The following SRGAP1 variants were observed in gnomAD, a reference collection of about 807,000 sequenced individuals.
SRGAP1 encodes SLIT-ROBO Rho GTPase activating protein 1, also known as SLIT-ROBO Rho GTPase-activating protein 1.
In SRGAP1, 43 loss-of-function variants were observed where a neutral mutation model predicts 121.9. The ratio of observed to expected loss-of-function variants is 0.35; its 90% CI spans 0.28 to 0.46. The LOEUF is 0.46. Ranked by LOEUF, SRGAP1 falls within the 20% of genes least tolerant of loss-of-function variation. SRGAP1 has a pLI of 1.00. For missense variants in SRGAP1, 1,102 were observed against 1,350.9 expected (o/e 0.82, Z 2.89); for synonymous variants, 447 against 485.4 (o/e 0.92, Z 1.04).
chr12:63,949,398 T>A (rs1481962134), intron 1 of SRGAP1, among the ~76,000 whole-genome samples: 3 of 12,820 alleles, frequency 2.3e-4, no homozygotes, highest in Non-Finnish European at 5.4e-4. Context: ...TTTTATTATT[T>A]ATTATTATTA....
intron 1 of SRGAP1, among the ~76,000 whole-genome samples, chr12:63,875,847 A>C (rs1026940641): frequency 6.6e-6 from 1 of 152,234 alleles, no homozygotes; most frequent in Non-Finnish European, 1.5e-5. Context: ...CGGGCTGATC[A>C]CTAAGAAATA....
At chr12:63,939,254 A>G (rs1409130597) in intron 1 of SRGAP1, among the ~76,000 whole-genome samples, 3 of 151,986 alleles carry the variant, frequency 2.0e-5, no homozygotes, top group Non-Finnish European at 2.9e-5. Flanking sequence ...AAGAGCACCA[A>G]TCCCAAGACA....
Position 64,015,307 on chromosome 12 carries a change from T to C in SRGAP1, c.427-1643T>C, listed in dbSNP as rs370764803. Among the ~76,000 whole-genome samples, 7 of 152,274 alleles carry C rather than the reference T, an allele frequency of 4.6e-5. No homozygotes were observed. In the East Asian group the frequency reaches 1.4e-3, roughly 29 times the overall value. On this transcript the variant is annotated intron_variant, in intron 3 of 21. Transcript: ENST00000355086. ...ATATACCCTCTCAATAATCAAGACA[T>C]AGGAAAAATAAAATGAGTTTCAGTT...
At chr12:63,881,356 A>G (rs976078719) in intron 1 of SRGAP1, among the ~76,000 whole-genome samples, 7 of 152,242 alleles carry the variant, frequency 4.6e-5, no homozygotes, top group African/African-American at 1.4e-4. Flanking sequence ...AATAACAGTC[A>G]TTTGCAAGGA....
intron 1 of SRGAP1, among the ~76,000 whole-genome samples, chr12:63,969,576 G>A (rs555506393): frequency 1.3e-5 from 2 of 152,124 alleles, no homozygotes; most frequent in African/African-American, 4.8e-5. Context: ...GGCGGATCAC[G>A]AGGTCAGGAG....
At chr12:64,071,031 G>A (rs980144193) in intron 8 of SRGAP1, among the ~76,000 whole-genome samples, 1 of 152,060 alleles carries the variant, frequency 6.6e-6, no homozygotes, top group Non-Finnish European at 1.5e-5. Context: ...AAGTATCTTT[G>A]ACTTGCCTGC....
chr12:63,923,514 A>C (rs2031145063), intron 1 of SRGAP1, among the ~76,000 whole-genome samples: 1 of 152,226 alleles, frequency 6.6e-6, no homozygotes, highest in Admixed American at 6.5e-5. Flanking sequence ...GATTATAGCT[A>C]CATCAGTACA....
intron 1 of SRGAP1, among the ~76,000 whole-genome samples, chr12:63,855,473 GTTTTTTTTTTTTTTTTTTTT>G (rs781701925): frequency 3.8e-5 from 2 of 52,898 alleles, no homozygotes; most frequent in South Asian, 1.1e-3. Context: ...GAAAAATGGT[GTTTTTTTTTTTTTTTTTTTT>G]TTTTTTTTTT....
At chr12:64,134,378 G>A (rs965279417) in intron 21 of SRGAP1, among the ~76,000 whole-genome samples, 6 of 149,574 alleles carry the variant, frequency 4.0e-5, no homozygotes, top group Middle Eastern at 3.6e-3. Flanking sequence ...CCAAGATTGC[G>A]CCACTGCACT....
At chr12:63,969,504 G>A (rs2032879601) in intron 1 of SRGAP1, among the ~76,000 whole-genome samples, 1 of 152,100 alleles carries the variant, frequency 6.6e-6, no homozygotes, top group South Asian at 2.1e-4. Flanking sequence ...TTAAAAATCT[G>A]AAACATCGGC....
chr12:63,894,645 C>T (rs998957703), intron 1 of SRGAP1, among the ~76,000 whole-genome samples: 8 of 152,096 alleles, frequency 5.3e-5, no homozygotes, highest in African/African-American at 7.2e-5. Context: ...CGACAGGCCC[C>T]GGTGTGTGAT....
chr12:64,066,413 T>G (rs188233876), intron 8 of SRGAP1, among the ~76,000 whole-genome samples: 16 of 152,324 alleles, frequency 1.1e-4, no homozygotes, highest in African/African-American at 3.6e-4. Context: ...ACTCTTTGAT[T>G]GAGAATTCCA....
chr12:63,972,219 T>A (rs2032969168), intron 1 of SRGAP1, among the ~76,000 whole-genome samples: 1 of 152,232 alleles, frequency 6.6e-6, no homozygotes. Context: ...AATAGAGGTA[T>A]AAAGAAAATT....
chr12:63,988,684 A>G (rs1267790810), intron 2 of SRGAP1, among the ~76,000 whole-genome samples: 2 of 152,236 alleles, frequency 1.3e-5, no homozygotes, highest in African/African-American at 2.4e-5. Context: ...AGAGTCATAC[A>G]TGATCATAAA....
chr12:64,076,805 C>G (rs932937819), intron 8 of SRGAP1, among the ~76,000 whole-genome samples: 9 of 152,022 alleles, frequency 5.9e-5, no homozygotes, highest in East Asian at 5.8e-4. Flanking sequence ...ACCACCACGC[C>G]CAGCTATTTT....
At chr12:64,003,478 G>GAAAAAAAAAAA (rs531819299) in intron 3 of SRGAP1, among the ~76,000 whole-genome samples, 1 of 42,782 alleles carries the variant, frequency 2.3e-5, no homozygotes, top group African/African-American at 6.2e-5. Flanking sequence ...GGAAGTTTCA[G>GAAAAAAAAAAA]AAAAAAAAAA....
intron 1 of SRGAP1, among the ~76,000 whole-genome samples, chr12:63,919,785 T>G (rs2030968244): frequency 6.6e-6 from 1 of 152,226 alleles, no homozygotes; most frequent in African/African-American, 2.4e-5. Context: ...TTGTTTGTTT[T>G]GATTTGTAAA....
At chr12:63,906,731 C>G (rs1339055263) in intron 1 of SRGAP1, among the ~76,000 whole-genome samples, 3 of 152,158 alleles carry the variant, frequency 2.0e-5, no homozygotes, top group Non-Finnish European at 2.9e-5. Context: ...AATGATGATA[C>G]AGAATTTCAC....
At chr12:63,864,403 G>A (rs940314669) in intron 1 of SRGAP1, among the ~76,000 whole-genome samples, 2 of 152,156 alleles carry the variant, frequency 1.3e-5, no homozygotes, top group African/African-American at 2.4e-5. Context: ...GCACACTCAT[G>A]TAGATTAGTA....
Sources: gnomAD v4.1 joint callset for allele counts (sites outside exome capture counted in the v4.1 genomes callset) on GRCh38, gnomAD v4.1.1 for gene constraint, MANE v1.5 for transcripts, NCBI Gene and HGNC (gene_info 2026-07-23, HGNC 2026-07-21) for gene names.